The following POTEC variants were observed in gnomAD, a reference collection of about 807,000 sequenced individuals.
The protein encoded by POTEC is ANKRD26-like family B member 2.
Under a neutral mutation model 62.0 loss-of-function variants are expected in POTEC, and 35 were observed. The ratio of observed to expected loss-of-function variants is 0.56; its 90% CI spans 0.43 to 0.75. The LOEUF is 0.75. Ranked by LOEUF, POTEC falls within the 30% of genes least tolerant of loss-of-function variation. The pLI, the probability that POTEC is intolerant of heterozygous loss-of-function variation, is 0.00. For synonymous variants in POTEC, 156 were observed against 221.5 expected (o/e 0.70, Z 2.62); for missense variants, 472 against 655.9 (o/e 0.72, Z 3.06).
chr18:14,515,393 C>T (rs1567909789), intron 9 of POTEC, among the ~76,000 whole-genome samples: 2 of 152,074 alleles, frequency 1.3e-5, no homozygotes, highest in East Asian at 1.9e-4. Flanking sequence ...AGAAAAAAGG[C>T]CACTTACAAC....
rs1272652691 is a variant in POTEC, at chr18:14,542,959, T to C, written c.188A>G (p.Lys63Arg). Residue 63 changes from lysine (K) to arginine (R), a missense_variant, in exon 1 of 11, where the codon AAG becomes AGG. Physicochemically the swap from Lys to Arg is conservative, Grantham distance 26. Coordinates refer to ENST00000358970, the MANE Select transcript of POTEC (RefSeq NM_001137671.2). ...GCAGGGGAAGCAGTGGTGGCAACAC[T>C]TGCCCATCTTGCTCCTGAGCATCTT... ...FMKMLRSKMG[K>R]CCHHCFPCCR... 2.5e-6 allele frequency: 4 copies of C among 1,573,036 alleles called. No homozygotes were observed. Among genetic ancestry groups the C allele is most frequent in the South Asian group, 1.2e-5 (1 of 85,772 alleles).
At chr18:14,512,033 A>T in intron 10 of POTEC, 40 bp from the exon 11 acceptor site, 1 of 1,427,416 alleles carries the variant, frequency 7.0e-7, no homozygotes, top group Non-Finnish European at 9.8e-7. Flanking sequence ...CACTCAATAG[A>T]ATGACATATC....
intron 9 of POTEC, among the ~76,000 whole-genome samples, chr18:14,521,578 A>T (rs28523973): frequency 0.012 from 1,845 of 152,316 alleles, 33 homozygotes; most frequent in African/African-American, 0.041. Context: ...AATATCCTTA[A>T]CATACCTACA....
At chr18:14,532,084 C>G (rs1905542025) in intron 5 of POTEC, among the ~76,000 whole-genome samples, 3 of 151,598 alleles carry the variant, frequency 2.0e-5, no homozygotes, top group Non-Finnish European at 4.4e-5. Context: ...TATAAAGGTG[C>G]CTCACAGTAT....
intron 9 of POTEC, among the ~76,000 whole-genome samples, chr18:14,516,298 TTA>T (rs200611192): frequency 0.022 from 551 of 25,118 alleles, 64 homozygotes; most frequent in Middle Eastern, 0.037. Flanking sequence ...AAAGAAAATT[TTA>T]TATATATATA....
chr18:14,516,671 G>GT (rs1331746926), intron 9 of POTEC, among the ~76,000 whole-genome samples: 3 of 143,640 alleles, frequency 2.1e-5, no homozygotes, highest in Non-Finnish European at 3.0e-5. Context: ...ACTGGGGGGG[G>GT]GTGTATCCTT....
Position 14,512,009 on chromosome 18 carries a change from G to A in POTEC, c.1534-16C>T, listed in dbSNP as rs770369285. ...TAAGAGAAAGCTAAGTAAACAAAGG[G>A]AACTTTTAGTTAGCACTCAATAGAA... is the stretch of plus-strand genomic sequence containing the variant. On this transcript the variant is annotated splice_polypyrimidine_tract_variant and intron_variant, in intron 10 of 10. Transcript: ENST00000358970. 10 of 1,591,688 alleles carry A rather than the reference G, an allele frequency of 6.3e-6. No homozygotes were observed. Among genetic ancestry groups the A allele is most frequent in the Non-Finnish European group, 8.6e-6 (10 of 1,165,782 alleles).
At chr18:14,542,148 A>C (rs1291928992) in intron 1 of POTEC, among the ~76,000 whole-genome samples, 1 of 152,162 alleles carries the variant, frequency 6.6e-6, no homozygotes, top group Non-Finnish European at 1.5e-5. Flanking sequence ...AAAGATATGA[A>C]CCATACTTCC....
At chr18:14,515,496 TAGA>T (rs1475515821) in intron 9 of POTEC, among the ~76,000 whole-genome samples, 1 of 152,004 alleles carries the variant, frequency 6.6e-6, no homozygotes, top group Non-Finnish European at 1.5e-5. Context: ...TAGTCACATA[TAGA>T]AGAATAAAAT....
chr18:14,525,899 C>CT (rs200881981), intron 6 of POTEC, among the ~76,000 whole-genome samples: 63 of 151,674 alleles, frequency 4.2e-4, no homozygotes, highest in Admixed American at 1.4e-3. Context: ...ATTCATTTTT[C>CT]TTTTTTTTTG....
intron 8 of POTEC, 139 bp from the exon 9 acceptor site, chr18:14,522,559 T>C: frequency 1.5e-6 from 2 of 1,336,646 alleles, no homozygotes; most frequent in Admixed American, 2.7e-5. Context: ...TGATCATATA[T>C]ACAGAACTAT....
rs552783320 is a variant in POTEC at position 14,536,884 on chromosome 18, C to T, written c.810+917G>A. Among the ~76,000 whole-genome samples the T allele has an allele frequency of 6.2e-4, 94 of 152,162 alleles. No individual in the cohort carries two copies. The South Asian group carries it at 0.018, about 30-fold the overall frequency. On this transcript the variant is annotated intron_variant, in intron 3 of 10. Transcript: ENST00000358970. ...TTATAAGCCTCTTATCTCCCACCTT[C>T]CCATCAAGACATTCTAGAATTGAAA...
chr18:14,533,670 G>C (rs1247047100), intron 4 of POTEC, among the ~76,000 whole-genome samples: 2 of 152,142 alleles, frequency 1.3e-5, no homozygotes, highest in African/African-American at 4.8e-5. Context: ...ATGCCAATAA[G>C]CATGTGCTAC....
At chr18:14,541,199 C>G (rs1351705775) in intron 1 of POTEC, among the ~76,000 whole-genome samples, 1 of 152,066 alleles carries the variant, frequency 6.6e-6, no homozygotes, top group African/African-American at 2.4e-5. Context: ...TTTCATTCCT[C>G]TTCTAACTTA....
chr18:14,542,516 T>G (rs1337277230), intron 1 of POTEC, 110 bp downstream of exon 1: 2 of 1,534,358 alleles, frequency 1.3e-6, no homozygotes, highest in Admixed American at 3.6e-5. Context: ...CCCAGGGTGG[T>G]GTGGGGCCTG....
At chr18:14,527,986 C>T (rs1910481232) in intron 6 of POTEC, 1 of 152,180 alleles carries the variant, frequency 6.6e-6, no homozygotes. Flanking sequence ...AAGCTATAGG[C>T]CACAGGCCAA....
At chr18:14,529,183 G>T (rs7239137) in intron 6 of POTEC, 285,101 of 330,346 alleles carry the variant, frequency 0.86, 123,842 homozygotes, top group Non-Finnish European at 0.9. Flanking sequence ...AGTGGGCATC[G>T]AGCACACAGT....
intron 9 of POTEC, among the ~76,000 whole-genome samples, chr18:14,521,860 G>A (rs1346294886): frequency 6.6e-6 from 1 of 152,146 alleles, no homozygotes; most frequent in African/African-American, 2.4e-5. Context: ...ACTTGAGGGT[G>A]GAGTGTGGCA....
At position 14,542,752 on chromosome 18, in the gene POTEC, C is replaced by T; in HGVS notation, c.395G>A (p.Arg132Lys). 1 of 1,613,550 alleles carries T rather than the reference C, an allele frequency of 6.2e-7. No homozygotes were observed. The highest frequency in any genetic ancestry group is 8.5e-7 in the Non-Finnish European group (1 of 1,179,880). Reference sequence around the variant, plus strand: ...CAGATCTTCTCGACGGACGTGGTACCTCGGCTCCATGAAGGCGCTGTCGTC... The same window carrying T: ...CAGATCTTCTCGACGGACGTGGTACTTCGGCTCCATGAAGGCGCTGTCGTC... The part of the protein sequence containing the change: ...DYDDSAFMEP[R>K]YHVRREDLDK... Residue 132 changes from arginine (R) to lysine (K), a missense_variant, in exon 1 of 11, where the codon AGG becomes AAG. Transcript: ENST00000358970.
Sources: allele counts gnomAD v4.1 joint callset (sites outside exome capture counted in the v4.1 genomes callset), GRCh38; gene constraint gnomAD v4.1.1; transcripts MANE v1.5; gene names NCBI Gene and HGNC (gene_info 2026-07-23, HGNC 2026-07-21).